ST8SIA3: variants seen among roughly 807,000 people sequenced by gnomAD.
ST8SIA3 encodes the protein alpha-N-acetylneuraminate alpha-2,8-sialyltransferase ST8SIA3.
In ST8SIA3, 17 loss-of-function variants were observed where a neutral mutation model predicts 34.5. The ratio of observed to expected loss-of-function variants is 0.49; its 90% CI spans 0.34 to 0.74. The LOEUF (loss-of-function observed/expected upper bound fraction) is 0.74. ST8SIA3 is among the 30% of genes least tolerant of loss of function. ST8SIA3 has a pLI of 0.01. For synonymous variants in ST8SIA3, 172 were observed against 176.1 expected, an observed-to-expected ratio of 0.98 and a Z score of 0.19; for missense variants, 354 against 467.8, an observed-to-expected ratio of 0.76 and a Z score of 2.24.
Position 57,363,760 on chromosome 18 carries a change from A to G in ST8SIA3, c.*3483A>G, listed in dbSNP as rs755162546. The G allele has an allele frequency of 6.6e-6, 1 of 152,246 alleles. No homozygotes were observed. The highest frequency in any genetic ancestry group is 1.5e-5 in the Non-Finnish European group (1 of 68,050). 9.4% of individuals were successfully genotyped at this position (152,246 alleles called of 1,614,324 possible). A position where few individuals can be genotyped will look rare whatever the true frequency, so the allele number is the denominator to read the frequency against. Reference sequence around the variant, plus strand: ...TCAAAGGAAGCAGGGACAATATTGTAGAATGCTAGGACACTGGAAATGAAG... The same window carrying G: ...TCAAAGGAAGCAGGGACAATATTGTGGAATGCTAGGACACTGGAAATGAAG... On this transcript the variant is annotated 3_prime_UTR_variant, in exon 4 of 4. Coordinates refer to ENST00000324000, the MANE Select transcript of ST8SIA3 (RefSeq NM_015879.3).
intron 2 of ST8SIA3, among the ~76,000 whole-genome samples, chr18:57,354,838 A>G (rs1350109946): frequency 1.3e-5 from 2 of 150,382 alleles, no homozygotes; most frequent in African/African-American, 2.5e-5. Flanking sequence ...TCTGGCAAGT[A>G]CTGCCAAAGC....
chr18:57,353,134 C>A, intron 1 of ST8SIA3, 109 bp downstream of exon 1: 3 of 1,077,500 alleles, frequency 2.8e-6, no homozygotes, highest in Non-Finnish European at 2.7e-6. Context: ...ACTCTTTGGG[C>A]CAGATAACTG....
At chr18:57,354,052 G>A (rs925067923) in intron 1 of ST8SIA3, among the ~76,000 whole-genome samples, 1 of 152,346 alleles carries the variant, frequency 6.6e-6, no homozygotes, top group African/African-American at 2.4e-5. Flanking sequence ...AAGGCGTAGC[G>A]GGTCAGGCTG....
At position 57,360,401 on chromosome 18, in the gene ST8SIA3, G is replaced by C. The variant is rs1254923956; in HGVS notation, c.*124G>C. 3 of 1,014,160 alleles carry C rather than the reference G, an allele frequency of 3.0e-6. No homozygotes were observed. Among genetic ancestry groups the C allele is most frequent in the Non-Finnish European group, 4.2e-6 (3 of 712,814 alleles). The allele number at this position is 1,014,160 out of a possible 1,614,324, so 62.8% of individuals were successfully genotyped here. A position where few individuals can be genotyped will look rare whatever the true frequency, so the allele number is the denominator to read the frequency against. The stretch of plus-strand genomic sequence containing the variant: ...TTGTCTGCCATTTAAAAGGAAAGAT[G>C]TCTTTTCTCTTTTGCACTGCTCTTT... On this transcript the variant is annotated 3_prime_UTR_variant, in exon 4 of 4. Coordinates refer to ENST00000324000, the MANE Select transcript of ST8SIA3 (RefSeq NM_015879.3).
rs746833432 is a variant in ST8SIA3 at position 57,360,193 on chromosome 18, C to T, written c.1059C>T (p.Ser353=). 6.2e-7 allele frequency: 1 copy of T among 1,614,064 alleles called. No homozygotes were observed. The highest frequency in any genetic ancestry group is 1.1e-5 in the South Asian group (1 of 91,070). The change falls in exon 4 of 4, where the codon TCC becomes TCT. Residue 353 remains serine (S), a synonymous_variant. Transcript: ENST00000324000. ...AATTTACCACCAAGTGGCAGGAGTC[C>T]CACCAGCTGCCTGCTGAGTTTCAGC... ...GTKFTTKWQE[S]HQLPAEFQLL... is the part of the protein sequence containing the mutation.
In ST8SIA3 at chr18:57,359,982, T is replaced by C. The variant is rs1434486919; in HGVS notation, c.861-13T>C. The C allele has an allele frequency of 6.2e-7, 1 of 1,607,186 alleles. No homozygotes were observed. The highest frequency in any genetic ancestry group is 1.1e-5 in the South Asian group (1 of 90,782). ...GCTGACCTCTGAATCCAAATGTACTTATTGTTCCACAGGTACTGGAAAAAC... is the reference window on the plus strand; with the variant it reads ...GCTGACCTCTGAATCCAAATGTACTCATTGTTCCACAGGTACTGGAAAAAC... On this transcript the variant is annotated splice_polypyrimidine_tract_variant and intron_variant, in intron 3 of 3. Coordinates refer to ENST00000324000, the MANE Select transcript of ST8SIA3 (RefSeq NM_015879.3).
Position 57,354,465 on chromosome 18 carries a change from G to A in ST8SIA3, c.243G>A (p.Gln81=). 1 of 1,614,140 alleles carries A rather than the reference G, an allele frequency of 6.2e-7. No homozygotes were observed. The highest frequency in any genetic ancestry group is 2.2e-5 in the East Asian group (1 of 44,870). Residue 81 remains glutamine, a synonymous_variant, in exon 2 of 4, where the codon CAG becomes CAA. Transcript: ENST00000324000. Reference sequence around the variant, plus strand: ...TGCCCATTACGAATTCTCTCACCCAGGAACTCCAAGAGAAACCTTCTAAGT... The same window carrying A: ...TGCCCATTACGAATTCTCTCACCCAAGAACTCCAAGAGAAACCTTCTAAGT... ...SFVPITNSLT[Q]ELQEKPSKWK... is the part of the protein sequence containing the mutation.
chr18:57,358,645 TG>T (rs1238744959), intron 3 of ST8SIA3, among the ~76,000 whole-genome samples: 1 of 152,168 alleles, frequency 6.6e-6, no homozygotes, highest in Non-Finnish European at 1.5e-5. Context: ...ACTGACAAAC[TG>T]GGACTGTCCC....
intron 1 of ST8SIA3, among the ~76,000 whole-genome samples, chr18:57,353,878 G>A (rs936523628): frequency 9.2e-5 from 14 of 152,222 alleles, no homozygotes; most frequent in Non-Finnish European, 1.9e-4. Context: ...GGACCGAGGA[G>A]CGGAGTAGGC....
chr18:57,353,104 GGT>G (rs2049774685), intron 1 of ST8SIA3, 79 bp downstream of exon 1: 1 of 1,498,280 alleles, frequency 6.7e-7, no homozygotes, highest in African/African-American at 1.4e-5. Context: ...GTGGGGGAGG[GGT>G]GTTTTGGCCT....
At chr18:57,354,870 C>G (rs1346541403) in intron 2 of ST8SIA3, among the ~76,000 whole-genome samples, 1 of 136,434 alleles carries the variant, frequency 7.3e-6, no homozygotes, top group African/African-American at 2.8e-5. Flanking sequence ...AAAAAAAAAA[C>G]AGACAAAAGG....
chr18:57,359,904 C>T (rs756616870), intron 3 of ST8SIA3, 91 bp from the exon 4 acceptor site: 3 of 1,172,338 alleles, frequency 2.6e-6, no homozygotes, highest in Non-Finnish European at 3.6e-6. Flanking sequence ...GTTACAGTAA[C>T]AAATCCACTA....
At position 57,353,083 on chromosome 18, in the gene ST8SIA3, GA is replaced by G. The variant is rs926092434; in HGVS notation, c.179+60del. The G allele has an allele frequency of 2.1e-5, 33 of 1,574,058 alleles. No homozygotes were observed. In the African/African-American group the frequency reaches 3.6e-4, roughly 17 times the overall value. On this transcript the variant is annotated intron_variant, in intron 1 of 3. Transcript: ENST00000324000. ...GAATTTGGTTGATGGGGTGTTTGGGGAAGGGAAGGCGTGGGGGAGGGGTGTT... is the reference window on the plus strand; with the variant it reads ...GAATTTGGTTGATGGGGTGTTTGGGGAGGGAAGGCGTGGGGGAGGGGTGTT...
rs1414086450 is a variant in ST8SIA3, at chr18:57,363,097, A to G, written c.*2820A>G. On this transcript the variant is annotated 3_prime_UTR_variant, in exon 4 of 4. Transcript: ENST00000324000. ...TGTCAGACACTTTCCCTTTTTTAGGATACTCACAACAGAGTCCACTTTCAG... is the reference window on the plus strand; with the variant it reads ...TGTCAGACACTTTCCCTTTTTTAGGGTACTCACAACAGAGTCCACTTTCAG... 1.3e-5 allele frequency: 2 copies of G among 152,206 alleles called. No individual in the cohort carries two copies. The highest frequency in any genetic ancestry group is 6.5e-5 in the Admixed American group (1 of 15,286). The allele number at this position is 152,206 out of a possible 1,614,324, so 9.4% of individuals were successfully genotyped here. A position where few individuals can be genotyped will look rare whatever the true frequency, so the allele number is the denominator to read the frequency against.
At position 57,360,868 on chromosome 18, in the gene ST8SIA3, T is replaced by G. The variant is rs1369045408; in HGVS notation, c.*591T>G. ...TCGCTTTGCTTGTATATGTTGCATTTGTACTTGATGTGTTTAAGGTTCTGG... is the reference window on the plus strand; with the variant it reads ...TCGCTTTGCTTGTATATGTTGCATTGGTACTTGATGTGTTTAAGGTTCTGG... On this transcript the variant is annotated 3_prime_UTR_variant, in exon 4 of 4. Transcript: ENST00000324000. The G allele has an allele frequency of 6.5e-6, 1 of 153,506 alleles. No homozygotes were observed. The allele number at this position is 153,506 out of a possible 1,614,324, so 9.5% of individuals were successfully genotyped here.
chr18:57,358,955 T>C (rs1368887489), intron 3 of ST8SIA3, among the ~76,000 whole-genome samples: 1 of 152,182 alleles, frequency 6.6e-6, no homozygotes, highest in Admixed American at 6.5e-5. Flanking sequence ...TAAATTTCAT[T>C]TGGAAGGGGA....
At chr18:57,357,564 T>C (rs2049806630) in intron 3 of ST8SIA3, 94 bp downstream of exon 3, 15 of 991,562 alleles carry the variant, frequency 1.5e-5, no homozygotes, top group Non-Finnish European at 2.3e-5. Flanking sequence ...ATTCATTAGT[T>C]GTTGTGGTGA....
Position 57,364,603 on chromosome 18 carries a change from A to G in ST8SIA3, c.*4326A>G, listed in dbSNP as rs1358631707. 1 of 152,242 alleles carries G rather than the reference A, an allele frequency of 6.6e-6. No homozygotes were observed. Among genetic ancestry groups the G allele is most frequent in the African/African-American group, 2.4e-5 (1 of 41,402 alleles). The allele number at this position is 152,242 out of a possible 1,614,324, so 9.4% of individuals were successfully genotyped here. ...GTGTAGAACTGTCACTTTGCTTACA[A>G]AGGGGCTGTGTGTTTGTGGCTGGCA... On this transcript the variant is annotated 3_prime_UTR_variant, in exon 4 of 4. Transcript: ENST00000324000.
rs1173833391 is a variant in ST8SIA3 at position 57,363,084 on chromosome 18, T to A, written c.*2807T>A. The A allele has an allele frequency of 6.6e-6, 1 of 152,244 alleles. No individual in the cohort carries two copies. The highest frequency in any genetic ancestry group is 1.5e-5 in the Non-Finnish European group (1 of 68,058). The allele number at this position is 152,244 out of a possible 1,614,324, so 9.4% of individuals were successfully genotyped here. A position where few individuals can be genotyped will look rare whatever the true frequency, so the allele number is the denominator to read the frequency against. Reference sequence around the variant, plus strand: ...TAATTTATCCTTTTGTCAGACACTTTCCCTTTTTTAGGATACTCACAACAG... The same window carrying A: ...TAATTTATCCTTTTGTCAGACACTTACCCTTTTTTAGGATACTCACAACAG... On this transcript the variant is annotated 3_prime_UTR_variant, in exon 4 of 4. Coordinates refer to ENST00000324000, the MANE Select transcript of ST8SIA3 (RefSeq NM_015879.3).
Sources: gnomAD v4.1 joint callset for allele counts (sites outside exome capture counted in the v4.1 genomes callset) on GRCh38, gnomAD v4.1.1 for gene constraint, MANE v1.5 for transcripts, NCBI Gene and HGNC (gene_info 2026-07-23, HGNC 2026-07-21) for gene names.